The following CFAP221 variants were observed in gnomAD, a reference collection of about 807,000 sequenced individuals.
CFAP221 encodes the protein cilia and flagella associated protein 221.
CFAP221 carries 97 observed loss-of-function variants against 113.1 expected under a neutral mutation model. The observed-to-expected ratio is 0.86, with a 90% confidence interval of 0.73 to 1.02. The LOEUF (loss-of-function observed/expected upper bound fraction) is 1.02, where lower values mean the gene tolerates loss of function less well. Ranked by LOEUF, CFAP221 falls within the 50% of genes least tolerant of loss-of-function variation. The pLI is 0.00. For missense variants in CFAP221, 1,025 were observed against 1,013.4 expected (o/e 1.01, Z -0.16); for synonymous variants, 331 against 354.4 (o/e 0.93, Z 0.74).
chr2:119,645,624 G>T (rs957961728), intron 21 of CFAP221, among the ~76,000 whole-genome samples: 2 of 151,800 alleles, frequency 1.3e-5, no homozygotes, highest in Middle Eastern at 3.2e-3. Flanking sequence ...TGACAAGGGG[G>T]TGCATTTTTG....
intron 6 of CFAP221, among the ~76,000 whole-genome samples, 183 bp downstream of exon 6, chr2:119,562,297 G>C (rs1025929877): frequency 6.8e-6 from 1 of 146,218 alleles, no homozygotes; most frequent in Non-Finnish European, 1.5e-5. Context: ...TGCGTCAAAA[G>C]ATCATAAGCA....
At chr2:119,601,118 C>T (rs1684335442) in intron 7 of CFAP221, 100 bp from the exon 8 acceptor site, 2 of 1,219,172 alleles carry the variant, frequency 1.6e-6, no homozygotes, top group African/African-American at 3.0e-5. Context: ...CCCTAATCTC[C>T]ACATTGTCAG....
intron 3 of CFAP221, among the ~76,000 whole-genome samples, chr2:119,557,958 C>CAAA (rs11286852): frequency 4.8e-5 from 5 of 104,016 alleles, no homozygotes; most frequent in African/African-American, 1.4e-4. Flanking sequence ...GACTCCGTCT[C>CAAA]AAAAAAAAAA....
intron 23 of CFAP221, among the ~76,000 whole-genome samples, chr2:119,655,262 G>A (rs1688361462): frequency 6.6e-6 from 1 of 152,140 alleles, no homozygotes; most frequent in Non-Finnish European, 1.5e-5. Flanking sequence ...CCCACAAAAT[G>A]TTCAAGGAAC....
intron 3 of CFAP221, chr2:119,557,423 C>T (rs1680887760): frequency 6.6e-6 from 1 of 152,176 alleles, no homozygotes; most frequent in South Asian, 2.1e-4. Flanking sequence ...AACTGGCTGA[C>T]CGAATACTTT....
intron 19 of CFAP221, among the ~76,000 whole-genome samples, chr2:119,632,525 C>T (rs1369031597): frequency 6.6e-6 from 1 of 152,120 alleles, no homozygotes; most frequent in Non-Finnish European, 1.5e-5. Flanking sequence ...CTAGAGCCAA[C>T]ATCAAACGGA....
chr2:119,649,289 G>A (rs1297622944), intron 22 of CFAP221, among the ~76,000 whole-genome samples: 2 of 152,188 alleles, frequency 1.3e-5, no homozygotes, highest in African/African-American at 2.4e-5. Flanking sequence ...CTCGACTTAT[G>A]ATGAGGTTCT....
intron 8 of CFAP221, chr2:119,602,567 C>T: frequency 1.0e-6 from 1 of 954,830 alleles, no homozygotes; most frequent in African/African-American, 1.8e-5. Flanking sequence ...GAACTCACTC[C>T]ATGATATCTT....
chr2:119,631,048 A>G (rs1298832001), intron 19 of CFAP221, 147 bp downstream of exon 19: 21 of 1,376,636 alleles, frequency 1.5e-5, no homozygotes, highest in Non-Finnish European at 1.8e-5. Flanking sequence ...TTGTTTGCCA[A>G]CCTTTATTTT....
chr2:119,573,930 A>G lies in CFAP221; in HGVS notation c.527+11816A>G, dbSNP rs147084209. Reference sequence around the variant, plus strand: ...AAGGGCCTACATATTTCTTCCTTTCATTTACCGAAGTGGGCGCCACCTTGA... The same window carrying G: ...AAGGGCCTACATATTTCTTCCTTTCGTTTACCGAAGTGGGCGCCACCTTGA... On this transcript the variant is annotated intron_variant, in intron 6 of 23. Coordinates refer to ENST00000413369, the MANE Select transcript of CFAP221 (RefSeq NM_001271049.2). Among the ~76,000 whole-genome samples, 915 of 152,292 alleles carry G rather than the reference A, an allele frequency of 6.0e-3. 8 individuals carry two copies. The highest frequency in any genetic ancestry group is 0.021 in the African/African-American group (855 of 41,566).
chr2:119,585,120 A>G (rs1683119995), intron 6 of CFAP221, among the ~76,000 whole-genome samples: 2 of 152,250 alleles, frequency 1.3e-5, no homozygotes, highest in Admixed American at 1.3e-4. Context: ...GAATGCACAG[A>G]GCTTTACATA....
chr2:119,563,217 TTCAAA>T (rs1681381695), intron 6 of CFAP221, among the ~76,000 whole-genome samples: 1 of 152,206 alleles, frequency 6.6e-6, no homozygotes, highest in African/African-American at 2.4e-5. Flanking sequence ...TCCTGTGTAC[TTCAAA>T]TCATCTCTAG....
intron 7 of CFAP221, among the ~76,000 whole-genome samples, chr2:119,595,153 GC>G (rs1574083990): frequency 1.3e-5 from 2 of 152,346 alleles, no homozygotes; most frequent in East Asian, 3.9e-4. Flanking sequence ...TGCTTCTTCA[GC>G]CCCCTCCCCT....
chr2:119,656,769 G>T (rs1468862340), downstream of CFAP221: 2 of 217,378 alleles, frequency 9.2e-6, no homozygotes, highest in Non-Finnish European at 1.8e-5. Flanking sequence ...GGGGTCTTTT[G>T]GAGGTGTGGT....
At chr2:119,644,552 T>C (rs1000942231) in intron 21 of CFAP221, among the ~76,000 whole-genome samples, 1 of 152,140 alleles carries the variant, frequency 6.6e-6, no homozygotes, top group Admixed American at 6.6e-5. Context: ...CCAGGTTTGT[T>C]TTGGTGGGAA....
intron 3 of CFAP221, among the ~76,000 whole-genome samples, chr2:119,550,758 A>G (rs1680363132): frequency 6.6e-6 from 1 of 152,206 alleles, no homozygotes; most frequent in South Asian, 2.1e-4. Flanking sequence ...ATTTATTACC[A>G]TAAATTTACC....
intron 7 of CFAP221, among the ~76,000 whole-genome samples, chr2:119,591,508 C>T (rs1446156896): frequency 6.6e-6 from 1 of 152,212 alleles, no homozygotes; most frequent in Non-Finnish European, 1.5e-5. Context: ...AATTGTTAGC[C>T]GCATGCCAGG....
chr2:119,574,247 A>G (rs954077336), intron 6 of CFAP221, among the ~76,000 whole-genome samples: 1 of 143,750 alleles, frequency 7.0e-6, no homozygotes, highest in Non-Finnish European at 1.6e-5. Context: ...TGTATGTACC[A>G]GGGGCAGTGG....
intron 6 of CFAP221, among the ~76,000 whole-genome samples, chr2:119,574,754 T>C (rs958359078): frequency 6.6e-6 from 1 of 152,198 alleles, no homozygotes; most frequent in Non-Finnish European, 1.5e-5. Context: ...GTTTCTAGCA[T>C]GTGATTATGT....
Sources: gnomAD v4.1 joint callset for allele counts (sites outside exome capture counted in the v4.1 genomes callset) on GRCh38, gnomAD v4.1.1 for gene constraint, MANE v1.5 for transcripts, NCBI Gene and HGNC (gene_info 2026-07-23, HGNC 2026-07-21) for gene names.